The following NHS variants were observed in gnomAD, a reference collection of about 807,000 sequenced individuals.
NHS encodes the protein actin remodeling regulator NHS.
In NHS, 5 loss-of-function variants were observed where a neutral mutation model predicts 72.5. The observed-to-expected ratio is 0.07, with a 90% CI of 0.04 to 0.14. NHS has a LOEUF of 0.14. Among genes scored for constraint, NHS ranks in the 10% least tolerant of loss-of-function variants. The pLI is 1.00. For synonymous variants in NHS, 464 were observed against 547.7 expected, an observed-to-expected ratio of 0.85 and a Z score of 2.13; for missense variants, 1,072 against 1,355.7, an observed-to-expected ratio of 0.79 and a Z score of 3.29.
At chrX:17,542,324 G>A (rs2065267969) in intron 1 of NHS, among the ~76,000 whole-genome samples, 1 of 113,360 alleles carries the variant, frequency 8.8e-6, no homozygotes. Context: ...TGCCTGACCT[G>A]CTGCGGCAAA....
intron 1 of NHS, among the ~76,000 whole-genome samples, chrX:17,416,819 TGAGA>T (rs576288851): frequency 2.3e-3 from 228 of 98,152 alleles, no homozygotes; most frequent in East Asian, 3.9e-3. Context: ...TGTGTGTGTG[TGAGA>T]GAGAGAGAGA....
chrX:17,404,070 C>T (rs1050191997), intron 1 of NHS, among the ~76,000 whole-genome samples: 12 of 112,324 alleles, frequency 1.1e-4, no homozygotes, highest in Non-Finnish European at 2.3e-4. Flanking sequence ...AAAATCACCT[C>T]GCTGTCCTGT....
intron 1 of NHS, among the ~76,000 whole-genome samples, chrX:17,681,098 G>A (rs868172170): frequency 1.8e-5 from 2 of 111,752 alleles, no homozygotes; most frequent in Non-Finnish European, 3.8e-5. Context: ...CCAGTTGTGG[G>A]CAGTCTTCTT....
chrX:17,447,396 A>AT (rs780098067), intron 1 of NHS, among the ~76,000 whole-genome samples: 5,923 of 107,643 alleles, frequency 0.055, 155 homozygotes, highest in African/African-American at 0.084. Flanking sequence ...GCGTTGGTTG[A>AT]TTTTTTTTTT....
rs745866186 is a variant in NHS at position 17,400,276 on chromosome X, C to T, written c.565+23954C>T. 2.7e-5 allele frequency among the ~76,000 whole-genome samples: 3 copies of T among 111,524 alleles called. No individual in the cohort carries two copies. In the South Asian group the frequency reaches 1.1e-3, roughly 41 times the overall value. ...ATTCTATACACTAGCAATGAACAAT[C>T]AGAAAAAGAAATTAAGAAAACAATT... On this transcript the variant is annotated intron_variant, in intron 1 of 8. Coordinates refer to ENST00000676302, the MANE Select transcript of NHS (RefSeq NM_001291867.2).
chrX:17,434,589 G>A (rs2064712142), intron 1 of NHS, among the ~76,000 whole-genome samples: 1 of 109,078 alleles, frequency 9.2e-6, no homozygotes, highest in Non-Finnish European at 1.9e-5. Context: ...GACTACAGGT[G>A]CCCACCACCA....
intron 1 of NHS, among the ~76,000 whole-genome samples, chrX:17,384,998 G>GA (rs1297160157): frequency 2.7e-5 from 3 of 111,687 alleles, no homozygotes; most frequent in African/African-American, 9.8e-5. Context: ...ATAATAAGTG[G>GA]AAATAAAAAT....
In NHS at chrX:17,514,951, C is replaced by T. The variant is rs931059821; in HGVS notation, c.565+138629C>T. 2.7e-5 allele frequency among the ~76,000 whole-genome samples: 3 copies of T among 111,460 alleles called. No individual in the cohort carries two copies. In the Admixed American group the frequency reaches 2.9e-4, roughly 11 times the overall value. ...AGCTTTATGTGGGTAGAATCAGGGTCGGTATGAGTGATCACTGACTCCTTG... is the reference window on the plus strand; with the variant it reads ...AGCTTTATGTGGGTAGAATCAGGGTTGGTATGAGTGATCACTGACTCCTTG... On this transcript the variant is annotated intron_variant, in intron 1 of 8. Coordinates refer to ENST00000676302, the MANE Select transcript of NHS (RefSeq NM_001291867.2).
intron 1 of NHS, among the ~76,000 whole-genome samples, chrX:17,417,149 A>G (rs2064600782): frequency 9.1e-6 from 1 of 110,137 alleles, no homozygotes; most frequent in South Asian, 4.0e-4. Context: ...CACAAAAACT[A>G]AGATTTTTTT....
chrX:17,724,041 C>G (rs745550314), intron 5 of NHS, among the ~76,000 whole-genome samples: 6 of 111,529 alleles, frequency 5.4e-5, no homozygotes, highest in Non-Finnish European at 9.4e-5. Flanking sequence ...GTCTTTTTCT[C>G]TTCTCTTTCT....
chrX:17,635,080 T>A (rs764201583), intron 1 of NHS, among the ~76,000 whole-genome samples: 1 of 111,856 alleles, frequency 8.9e-6, no homozygotes, highest in East Asian at 2.8e-4. Context: ...CACATGGCAC[T>A]TGGCAGAGCT....
intron 1 of NHS, among the ~76,000 whole-genome samples, chrX:17,535,401 C>T (rs1175326849): frequency 3.6e-5 from 4 of 111,410 alleles, no homozygotes; most frequent in African/African-American, 1.3e-4. Context: ...GCACCCCCAA[C>T]ACTGCCATAT....
At chrX:17,487,310 A>T in intron 1 of NHS, among the ~76,000 whole-genome samples, 1 of 111,910 alleles carries the variant, frequency 8.9e-6, no homozygotes, top group Non-Finnish European at 1.9e-5. Context: ...CTTGTGAATG[A>T]GGAGCAACTC....
At chrX:17,565,454 G>A (rs911681837) in intron 1 of NHS, among the ~76,000 whole-genome samples, 8 of 112,405 alleles carry the variant, frequency 7.1e-5, no homozygotes, top group Non-Finnish European at 1.3e-4. Context: ...TTGTTATGCA[G>A]CAGTAGATAA....
At chrX:17,602,857 T>TA (rs1569291582) in intron 1 of NHS, among the ~76,000 whole-genome samples, 3 of 101,606 alleles carry the variant, frequency 3.0e-5, no homozygotes, top group South Asian at 9.4e-4. Context: ...TTTTTTTTTT[T>TA]AAAGACGGGG....
intron 1 of NHS, among the ~76,000 whole-genome samples, chrX:17,634,043 C>T (rs2147069918): frequency 8.9e-6 from 1 of 111,758 alleles, no homozygotes; most frequent in South Asian, 3.8e-4. Context: ...TTCTCCAGCC[C>T]TTTGCTTTCT....
At chrX:17,577,893 T>G (rs1210617258) in intron 1 of NHS, among the ~76,000 whole-genome samples, 1 of 111,328 alleles carries the variant, frequency 9.0e-6, no homozygotes, top group Non-Finnish European at 1.9e-5. Flanking sequence ...TTTGGCAGGG[T>G]GGTTAAATGA....
chrX:17,423,813 C>A (rs955377685), intron 1 of NHS, among the ~76,000 whole-genome samples: 1 of 112,269 alleles, frequency 8.9e-6, no homozygotes, highest in Non-Finnish European at 1.9e-5. Context: ...GGCAAGGCAG[C>A]GAATGCCTGC....
intron 1 of NHS, among the ~76,000 whole-genome samples, chrX:17,402,690 G>C (rs954162580): frequency 9.0e-6 from 1 of 111,482 alleles, no homozygotes; most frequent in Non-Finnish European, 1.9e-5. Flanking sequence ...TTTCTTTTAG[G>C]GGTGATGAAA....
Sources: allele counts gnomAD v4.1 joint callset (sites outside exome capture counted in the v4.1 genomes callset), GRCh38; gene constraint gnomAD v4.1.1; transcripts MANE v1.5; gene names NCBI Gene and HGNC (gene_info 2026-07-23, HGNC 2026-07-21).